Variants in ZNF280D observed in about 807,000 individuals in gnomAD.
ZNF280D encodes zinc finger protein 280D, also known as suppressor of hairy wing homolog 4.
A neutral mutation model predicts 94.7 loss-of-function variants in ZNF280D; 39 were observed. That is an observed-to-expected ratio of 0.41 (90% CI 0.32 to 0.54). ZNF280D has a LOEUF of 0.54. Among genes scored for constraint, ZNF280D ranks in the 20% least tolerant of loss-of-function variants. The pLI is 0.22. For synonymous variants in ZNF280D, 398 were observed against 377.6 expected, an observed-to-expected ratio of 1.05 and a Z score of -0.63; for missense variants, 1,090 against 1,149.3, an observed-to-expected ratio of 0.95 and a Z score of 0.75.
In ZNF280D at chr15:56,690,230, A is replaced by C. The variant is rs563922035; in HGVS notation, c.500-760T>G. 2.0e-5 allele frequency among the ~76,000 whole-genome samples: 3 copies of C among 152,190 alleles called. No individual in the cohort carries two copies. The East Asian group carries it at 5.8e-4, about 29-fold the overall frequency. ...ACCCCATCTCTACTAAAAATACAAA[A>C]AATTAGCCTGGCGTGGTGACGGGCA... is the stretch of plus-strand genomic sequence containing the variant. On this transcript the variant is annotated intron_variant, in intron 7 of 21. Transcript: ENST00000267807.
Position 56,654,871 on chromosome 15 carries a change from A to G in ZNF280D, c.2058-368T>C, listed in dbSNP as rs778718121. Reference sequence around the variant, plus strand: ...CAAAGTGAACATAGCGTATTCATTCACTTGATATTTACTGGAGCTATTTTT... The same window carrying G: ...CAAAGTGAACATAGCGTATTCATTCGCTTGATATTTACTGGAGCTATTTTT... On this transcript the variant is annotated intron_variant, in intron 17 of 21. Coordinates refer to ENST00000267807, the MANE Select transcript of ZNF280D (RefSeq NM_017661.4). 7.3e-4 allele frequency: 336 copies of G among 457,672 alleles called. 2 individuals are homozygous for G. Among genetic ancestry groups the G allele is most frequent in the Admixed American group, 1.4e-4 (6 of 42,504 alleles). The allele number at this position is 457,672 out of a possible 1,614,324, so 28.4% of individuals were successfully genotyped here.
intron 13 of ZNF280D, among the ~76,000 whole-genome samples, chr15:56,670,553 G>C (rs2054792399): frequency 6.6e-6 from 1 of 152,032 alleles, no homozygotes; most frequent in African/African-American, 2.4e-5. Flanking sequence ...AGTATTCCAT[G>C]GTGTATATGT....
intron 14 of ZNF280D, chr15:56,667,870 C>T: frequency 5.5e-6 from 1 of 181,680 alleles, no homozygotes; most frequent in African/African-American, 2.4e-5. Flanking sequence ...ATGAATTAGA[C>T]AACAGAATGT....
intron 6 of ZNF280D, among the ~76,000 whole-genome samples, chr15:56,697,244 G>C (rs1231037319): frequency 1.3e-5 from 2 of 151,938 alleles, no homozygotes; most frequent in African/African-American, 4.8e-5. Context: ...GAGTGCAGTG[G>C]CAGGATCTTA....
At chr15:56,719,992 A>T (rs7162317) in intron 1 of ZNF280D, among the ~76,000 whole-genome samples, 75,392 of 151,662 alleles carry the variant, frequency 0.5, 20,105 homozygotes, top group East Asian at 0.6. Context: ...GCTGCTGACT[A>T]ATCAGGGTAG....
At chr15:56,675,740 C>G (rs2055189562) in intron 13 of ZNF280D, among the ~76,000 whole-genome samples, 1 of 151,920 alleles carries the variant, frequency 6.6e-6, no homozygotes, top group Non-Finnish European at 1.5e-5. Context: ...CATGACTTAA[C>G]TAACAACTGA....
chr15:56,713,320 C>G lies in ZNF280D; in HGVS notation c.-85-6014G>C, dbSNP rs538765563. 3.9e-5 allele frequency among the ~76,000 whole-genome samples: 6 copies of G among 152,186 alleles called. No individual in the cohort carries two copies. The South Asian group carries it at 1.2e-3, about 32-fold the overall frequency. On this transcript the variant is annotated intron_variant, in intron 1 of 21. Coordinates refer to ENST00000267807, the MANE Select transcript of ZNF280D (RefSeq NM_017661.4). ...GTTCAACTAACTCATAAAGTTAGCTCAAGATAATGTTCTATCTATAAAAAA... is the reference window on the plus strand; with the variant it reads ...GTTCAACTAACTCATAAAGTTAGCTGAAGATAATGTTCTATCTATAAAAAA...
intron 17 of ZNF280D, 136 bp from the exon 18 acceptor site, chr15:56,654,639 C>A: frequency 1.4e-6 from 1 of 709,452 alleles, no homozygotes. Flanking sequence ...ATAAATTTGA[C>A]ATAAACTGAC....
rs1308320738 is a variant in ZNF280D at position 56,682,302 on chromosome 15, G to C, written c.956C>G (p.Thr319Arg). The C allele has an allele frequency of 1.3e-6, 2 of 1,589,910 alleles. No individual in the cohort carries two copies. Among genetic ancestry groups the C allele is most frequent in the Non-Finnish European group, 1.7e-6 (2 of 1,173,318 alleles). The change falls in exon 10 of 22, where the codon ACA (threonine) becomes AGA (arginine). Residue 319 changes from threonine (T) to arginine (R), a missense_variant. Physicochemically the swap from Thr to Arg is moderately conservative, Grantham distance 71. This residue lies in a region of ZNF280D where 386 missense variants were observed against 372.0 expected (regional missense o/e 1.04). Coordinates refer to ENST00000267807, the MANE Select transcript of ZNF280D (RefSeq NM_017661.4). ...GDVQEEQKTH[T>R]TFKCFSCLKI... Reference sequence around the variant, plus strand: ...CAAGCAACTGAAGCATTTAAAGGTTGTGTGAGTCTTCTGTTCCTCCTGGAC... The same window carrying C: ...CAAGCAACTGAAGCATTTAAAGGTTCTGTGAGTCTTCTGTTCCTCCTGGAC...
chr15:56,694,000 G>C (rs2056578626), intron 6 of ZNF280D, among the ~76,000 whole-genome samples: 1 of 152,118 alleles, frequency 6.6e-6, no homozygotes. Context: ...ACAGGGTTTA[G>C]AACAGAAGTT....
chr15:56,654,337 C>G (rs1174004917), intron 18 of ZNF280D, 48 bp downstream of exon 18: 3 of 1,594,144 alleles, frequency 1.9e-6, no homozygotes, highest in Non-Finnish European at 2.6e-6. Context: ...ACCAAAAATA[C>G]TGGAATAAAA....
At chr15:56,642,790 T>G (rs1269524613) in intron 20 of ZNF280D, among the ~76,000 whole-genome samples, 162 bp downstream of exon 20, 2 of 151,762 alleles carry the variant, frequency 1.3e-5, no homozygotes, top group Non-Finnish European at 3.0e-5. Context: ...CTAGATATTT[T>G]TATATGTAAT....
At chr15:56,662,273 T>A (rs970927769) in intron 16 of ZNF280D, among the ~76,000 whole-genome samples, 2 of 152,066 alleles carry the variant, frequency 1.3e-5, no homozygotes, top group Non-Finnish European at 2.9e-5. Flanking sequence ...TTTAAAGAAC[T>A]GAACCTAAAA....
At chr15:56,639,697 C>T (rs1274312071) in intron 20 of ZNF280D, among the ~76,000 whole-genome samples, 2 of 152,132 alleles carry the variant, frequency 1.3e-5, no homozygotes, top group African/African-American at 2.4e-5. Context: ...AACTATCATT[C>T]GCATAAATAT....
intron 1 of ZNF280D, among the ~76,000 whole-genome samples, chr15:56,727,739 C>G (rs1009541240): frequency 6.6e-6 from 1 of 152,134 alleles, no homozygotes; most frequent in African/African-American, 2.4e-5. Flanking sequence ...AAGATTAACA[C>G]AAAGATAGAC....
intron 19 of ZNF280D, among the ~76,000 whole-genome samples, chr15:56,648,615 A>T (rs1218690229): frequency 6.6e-6 from 1 of 152,094 alleles, no homozygotes; most frequent in Non-Finnish European, 1.5e-5. Flanking sequence ...CCTTGGGCAA[A>T]TTATTTAACA....
chr15:56,706,273 G>A (rs566861164), intron 3 of ZNF280D, among the ~76,000 whole-genome samples: 3 of 149,586 alleles, frequency 2.0e-5, no homozygotes, highest in Admixed American at 6.7e-5. Flanking sequence ...TCAGTAGTTC[G>A]ATACCAGCCT....
chr15:56,704,068 C>G, intron 4 of ZNF280D, 53 bp downstream of exon 4: 2 of 1,595,778 alleles, frequency 1.3e-6, no homozygotes, highest in South Asian at 1.1e-5. Context: ...ACAAGTTTTT[C>G]TACTAGAAAT....
At chr15:56,713,641 T>C (rs1168630117) in intron 1 of ZNF280D, among the ~76,000 whole-genome samples, 1 of 152,216 alleles carries the variant, frequency 6.6e-6, no homozygotes, top group African/African-American at 2.4e-5. Flanking sequence ...TTCTCAACTA[T>C]GAATAACAAT....
Sources: gnomAD v4.1 joint callset for allele counts (sites outside exome capture counted in the v4.1 genomes callset) on GRCh38, gnomAD v4.1.1 for gene constraint, gnomAD v4.1.1 regional missense constraint, MANE v1.5 for transcripts, NCBI Gene and HGNC (gene_info 2026-07-23, HGNC 2026-07-21) for gene names.